Variants in APOB observed in about 807,000 individuals in gnomAD.
APOB encodes the protein apolipoprotein B-100.
Under a neutral mutation model 314.1 loss-of-function variants are expected in APOB, and 153 were observed. The observed-to-expected ratio is 0.49, with a 90% CI of 0.43 to 0.56. APOB has a LOEUF of 0.56. Among genes scored for constraint, APOB ranks in the 20% least tolerant of loss-of-function variants. The pLI is 0.00. For missense variants in APOB, 5,430 were observed against 5,350.7 expected, an observed-to-expected ratio of 1.01 and a Z score of -0.46; for synonymous variants, 2,087 against 2,036.4, an observed-to-expected ratio of 1.02 and a Z score of -0.67.
chr2:21,026,531 A>T (rs1292378070), intron 15 of APOB, among the ~76,000 whole-genome samples: 1 of 152,054 alleles, frequency 6.6e-6, no homozygotes, highest in East Asian at 1.9e-4. Flanking sequence ...TACAGGCATG[A>T]ACCACCACAC....
intron 21 of APOB, 23 bp downstream of exon 21, chr2:21,016,416 A>G (rs1375595195): frequency 1.5e-6 from 2 of 1,339,398 alleles, no homozygotes; most frequent in East Asian, 2.3e-5. Flanking sequence ...AGTGCAGGTC[A>G]GATGACCCTC....
At position 21,013,438 on chromosome 2, in the gene APOB, A is replaced by T; in HGVS notation, c.3938T>A (p.Leu1313Ter). The T allele has an allele frequency of 6.2e-7, 1 of 1,614,208 alleles. No individual in the cohort carries two copies. Among genetic ancestry groups the T allele is most frequent in the South Asian group, 1.1e-5 (1 of 91,082 alleles). Residue 1313 changes from leucine (L) to a stop codon, truncating the protein, a stop_gained, in exon 25 of 29, where the codon TTA becomes TAA. Coordinates refer to ENST00000233242, the MANE Select transcript of APOB (RefSeq NM_000384.3). LOFTEE classifies it high-confidence loss of function. ...GAGGGCTGGTGTCCTAACAGTCTCTAACATCTTTAGATCTCTGGAGGATTT... is the reference window on the plus strand; with the variant it reads ...GAGGGCTGGTGTCCTAACAGTCTCTTACATCTTTAGATCTCTGGAGGATTT... ...GGKSSRDLKM[L>*]ETVRTPALHF... is the part of the protein sequence containing the mutation.
Position 21,033,416 on chromosome 2 carries a change from G to A in APOB, c.1007C>T (p.Thr336Ile). 2 of 1,614,124 alleles carry A rather than the reference G, an allele frequency of 1.2e-6. No homozygotes were observed. Among genetic ancestry groups the A allele is most frequent in the South Asian group, 1.1e-5 (1 of 91,076 alleles). The part of the protein sequence containing the change: ...LKTLQELKKL[T>I]ISEQNIQRAN... ...TCTCTGGATATTTTGCTCAGAGATG[G>A]TTAGTTTTTTCAGTTCCTGGAGAGT... The change falls in exon 9 of 29, where the codon ACC (threonine) becomes ATC (isoleucine). Residue 336 changes from threonine to isoleucine, a missense_variant. Physicochemically the swap from Thr to Ile is moderately conservative, Grantham distance 89 (BLOSUM62 -1). Coordinates refer to ENST00000233242, the MANE Select transcript of APOB (RefSeq NM_000384.3).
At chr2:21,035,445 G>T in intron 7 of APOB, 139 bp downstream of exon 7, 1 of 1,110,700 alleles carries the variant, frequency 9.0e-7, no homozygotes, top group East Asian at 2.5e-5. Context: ...CTTAAAAAGG[G>T]GGACAGGGAG....
rs1663198438 is a variant in APOB, at chr2:21,008,087, C to A, written c.8781G>T (p.Gly2927=). The change falls in exon 26 of 29, where the codon GGG becomes GGT. Residue 2927 remains glycine, a synonymous_variant. Coordinates refer to ENST00000233242, the MANE Select transcript of APOB (RefSeq NM_000384.3). Reference sequence around the variant, plus strand: ...ATCTGGGGCAGGCCCATTTCCATGACCCTTTTCCAGAAGAAGTCCATGCTA... The same window carrying A: ...ATCTGGGGCAGGCCCATTTCCATGAACCTTTTCCAGAAGAAGTCCATGCTA... ...GHIAWTSSGK[G]SWKWACPRFS... 6.2e-7 allele frequency: 1 copy of A among 1,613,874 alleles called. No individual in the cohort carries two copies. Among genetic ancestry groups the A allele is most frequent in the Admixed American group, 1.7e-5 (1 of 59,972 alleles).
intron 28 of APOB, 134 bp downstream of exon 28, chr2:21,004,135 C>T (rs1360641482): frequency 1.2e-6 from 1 of 862,138 alleles, no homozygotes; most frequent in African/African-American, 1.7e-5. Context: ...AATATTTCCT[C>T]AGAGAAGAAG....
At chr2:21,028,721 G>T (rs1475305068) in intron 12 of APOB, among the ~76,000 whole-genome samples, 183 bp from the exon 13 acceptor site, 2 of 152,176 alleles carry the variant, frequency 1.3e-5, no homozygotes, top group Non-Finnish European at 1.5e-5. Flanking sequence ...TCAAGTAAGG[G>T]TTCCCAGAAA....
chr2:21,025,193 G>T, intron 15 of APOB, 69 bp from the exon 16 acceptor site: 1 of 1,509,394 alleles, frequency 6.6e-7, no homozygotes, highest in Non-Finnish European at 9.1e-7. Flanking sequence ...TTCCCAATGT[G>T]GGACCTGTCT....
At chr2:21,037,363 C>T (rs1276106615) in intron 5 of APOB, 108 bp from the exon 6 acceptor site, 1 of 1,206,362 alleles carries the variant, frequency 8.3e-7, no homozygotes, top group Non-Finnish European at 1.2e-6. Flanking sequence ...AGGAATCTAG[C>T]TTTGGGAGGG....
chr2:21,002,677 G>T lies in APOB; in HGVS notation c.12745C>A (p.Leu4249Ile). 1 of 1,613,762 alleles carries T rather than the reference G, an allele frequency of 6.2e-7. No individual in the cohort carries two copies. Among genetic ancestry groups the T allele is most frequent in the Non-Finnish European group, 8.5e-7 (1 of 1,179,868 alleles). ...SEILFSYFQD[L>I]VITLPFELRK... ...AACTCGAAAGGAAGTGTAATCACTA[G>T]GTCTTGGAAATAGGAAAACAGTATT... Residue 4249 changes from leucine to isoleucine, a missense_variant, in exon 29 of 29, where the codon CTA (leucine) becomes ATA (isoleucine). Leu to Ile is a conservative substitution (Grantham distance 5). This residue lies in a region of APOB where 3,281 missense variants were observed against 3,171.0 expected (regional missense o/e 1.03). Coordinates refer to ENST00000233242, the MANE Select transcript of APOB (RefSeq NM_000384.3).
At position 21,001,496 on chromosome 2, in the gene APOB, C is replaced by T; in HGVS notation, c.*234G>A. ...CCAAGTTTAGCAAAATAACTCAGAT[C>T]CTGATTTTCTTTAACTTGCAAAAAA... On this transcript the variant is annotated 3_prime_UTR_variant, in exon 29 of 29. Coordinates refer to ENST00000233242, the MANE Select transcript of APOB (RefSeq NM_000384.3). 2.0e-6 allele frequency: 1 copy of T among 501,192 alleles called. No individual in the cohort carries two copies. The highest frequency in any genetic ancestry group is 3.5e-6 in the Non-Finnish European group (1 of 284,976). 31.0% of individuals were successfully genotyped at this position (501,192 alleles called of 1,614,324 possible). A position where few individuals can be genotyped will look rare whatever the true frequency, so the allele number is the denominator to read the frequency against.
Position 21,009,832 on chromosome 2 carries a change from C to T in APOB, c.7036G>A (p.Glu2346Lys), listed in dbSNP as rs769939347. The T allele has an allele frequency of 2.5e-5, 40 of 1,613,888 alleles. No individual in the cohort carries two copies. Among genetic ancestry groups the T allele is most frequent in the South Asian group, 6.6e-5 (6 of 91,080 alleles). The change falls in exon 26 of 29, where the codon GAG becomes AAG. Residue 2346 changes from glutamate (E) to lysine (K), a missense_variant. Transcript: ENST00000233242. ...ATTTGTTGGTCTACTTCATACCTCTCGATTAACTCATGGACTTTGGCTCTG... is the reference window on the plus strand; with the variant it reads ...ATTTGTTGGTCTACTTCATACCTCTTGATTAACTCATGGACTTTGGCTCTG... Reference protein sequence around the residue: ...AFRAKVHELIERYEVDQQIQV... With the variant: ...AFRAKVHELIKRYEVDQQIQV...
At chr2:21,025,612 G>GA (rs561445661) in intron 15 of APOB, among the ~76,000 whole-genome samples, 43 of 149,538 alleles carry the variant, frequency 2.9e-4, no homozygotes, top group Admixed American at 4.0e-4. Context: ...CAGGCATTGG[G>GA]AAAAAAAAAA....
chr2:21,003,845 C>T (rs1007132145), intron 28 of APOB, among the ~76,000 whole-genome samples: 2 of 152,130 alleles, frequency 1.3e-5, no homozygotes, highest in East Asian at 1.9e-4. Flanking sequence ...CTTGATTTGG[C>T]CCTGGCAGAG....
chr2:21,022,253 C>G (rs1225004338), intron 18 of APOB, among the ~76,000 whole-genome samples: 3 of 152,158 alleles, frequency 2.0e-5, no homozygotes, highest in Non-Finnish European at 4.4e-5. Context: ...CAGGCATGAA[C>G]CACCGTGGCT....
rs1663242431 is a variant in APOB, at chr2:21,009,358, A to T, written c.7510T>A (p.Ser2504Thr). The change falls in exon 26 of 29, where the codon TCT (serine) becomes ACT (threonine). Residue 2504 changes from serine to threonine, a missense_variant. Coordinates refer to ENST00000233242, the MANE Select transcript of APOB (RefSeq NM_000384.3). ...AATTTGGCCTTCATGTGAGCCAAAG[A>T]TGCTGAACTTAAAGCCTCCTGTAAC... ...NWLQEALSSASLAHMKAKFRE... is the reference protein window; with the variant it reads ...NWLQEALSSATLAHMKAKFRE... 2 of 1,614,134 alleles carry T rather than the reference A, an allele frequency of 1.2e-6. No individual in the cohort carries two copies. Among genetic ancestry groups the T allele is most frequent in the East Asian group, 2.2e-5 (1 of 44,878 alleles).
intron 17 of APOB, 118 bp downstream of exon 17, chr2:21,023,407 T>A: frequency 1.6e-6 from 2 of 1,222,110 alleles, no homozygotes; most frequent in Non-Finnish European, 2.4e-6. Flanking sequence ...ATGAGGTGAT[T>A]ACAATGATGA....
chr2:21,033,210 G>T, intron 9 of APOB, 89 bp downstream of exon 9: 3 of 957,454 alleles, frequency 3.1e-6, no homozygotes, highest in Non-Finnish European at 3.4e-6. Flanking sequence ...TATCCAAATG[G>T]TCCCTGAGAT....
rs763285729 is a variant in APOB, at chr2:21,008,102, A to C, written c.8766T>G (p.Thr2922=). The change falls in exon 26 of 29, where the codon ACT becomes ACG. Residue 2922 remains threonine (T), a synonymous_variant. Transcript: ENST00000233242. The part of the protein sequence containing the change: ...TLLKAGHIAW[T]SSGKGSWKWA... ...ATTTCCATGACCCTTTTCCAGAAGAAGTCCATGCTATGTGGCCAGCTTTCA... is the reference window on the plus strand; with the variant it reads ...ATTTCCATGACCCTTTTCCAGAAGACGTCCATGCTATGTGGCCAGCTTTCA... The C allele has an allele frequency of 6.2e-6, 10 of 1,613,954 alleles. No homozygotes were observed. The Admixed American group carries it at 1.7e-4, about 27-fold the overall frequency.
Sources: allele counts gnomAD v4.1 joint callset (sites outside exome capture counted in the v4.1 genomes callset), GRCh38; gene constraint gnomAD v4.1.1; regional missense constraint gnomAD v4.1.1; transcripts MANE v1.5; gene names NCBI Gene and HGNC (gene_info 2026-07-23, HGNC 2026-07-21).